UBE3A: variants seen among roughly 807,000 people sequenced by gnomAD.
The protein encoded by UBE3A is ubiquitin-protein ligase E3A.
In UBE3A, 6 loss-of-function variants were observed where a neutral mutation model predicts 83.4. That is an observed-to-expected ratio of 0.07 (90% CI 0.04 to 0.14). UBE3A has a LOEUF of 0.14. Ranked by LOEUF, UBE3A falls within the 10% of genes least tolerant of loss-of-function variation. The pLI is 1.00. For missense variants in UBE3A, 456 were observed against 1,036.1 expected (o/e 0.44, Z 7.69); for synonymous variants, 337 against 355.4 (o/e 0.95, Z 0.58).
intron 1 of UBE3A, among the ~76,000 whole-genome samples, chr15:25,427,602 C>CAAAAAAAAAAAAAA (rs751567252): frequency 3.1e-5 from 2 of 64,182 alleles, no homozygotes; most frequent in Admixed American, 2.2e-4. Context: ...CCCATCTCTA[C>CAAAAAAAAAAAAAA]AAAAAAAAAA....
chr15:25,427,335 A>C (rs1204706139), intron 1 of UBE3A, among the ~76,000 whole-genome samples: 2 of 151,990 alleles, frequency 1.3e-5, no homozygotes, highest in African/African-American at 4.8e-5. Flanking sequence ...CCTGAGTAAT[A>C]TTTAGGTTGA....
intron 1 of UBE3A, among the ~76,000 whole-genome samples, chr15:25,416,595 A>G (rs955774333): frequency 1.3e-5 from 2 of 151,926 alleles, no homozygotes; most frequent in African/African-American, 4.8e-5. Context: ...TCAGTGTGTG[A>G]AAGTGCAACA....
chr15:25,356,882 C>T lies in UBE3A; in HGVS notation c.1768G>A (p.Asp590Asn). ...FNPDIGMFTY[D>N]ESTKLFWFNP... Reference sequence around the variant, plus strand: ...AACCAAAACAATTTTGTAGATTCATCGTATGTGAACATACCTATAAGAAAT... The same window carrying T: ...AACCAAAACAATTTTGTAGATTCATTGTATGTGAACATACCTATAAGAAAT... The change falls in exon 8 of 13, where the codon GAT (aspartate) becomes AAT (asparagine). Residue 590 changes from aspartate (D) to asparagine (N), a missense_variant. By Grantham distance (23) the Asp-to-Asn change is conservative. This residue lies in a region of UBE3A where 58 missense variants were observed against 237.1 expected (regional missense o/e 0.24). Coordinates refer to ENST00000648336, the MANE Select transcript of UBE3A (RefSeq NM_130839.5). 6.2e-7 allele frequency: 1 copy of T among 1,612,888 alleles called. No individual in the cohort carries two copies. The highest frequency in any genetic ancestry group is 1.3e-5 in the African/African-American group (1 of 74,924).
At chr15:25,346,385 T>C (rs2075694418) in intron 11 of UBE3A, 1 of 152,242 alleles carries the variant, frequency 6.6e-6, no homozygotes, top group African/African-American at 2.4e-5. Context: ...AAATATATGC[T>C]AGTACCTACA....
intron 1 of UBE3A, among the ~76,000 whole-genome samples, chr15:25,426,220 C>A (rs1424038391): frequency 6.6e-6 from 1 of 152,132 alleles, no homozygotes; most frequent in Non-Finnish European, 1.5e-5. Flanking sequence ...CTATGAAAAT[C>A]TTTAGAAATA....
intron 11 of UBE3A, among the ~76,000 whole-genome samples, chr15:25,348,173 T>C (rs2075996983): frequency 6.6e-6 from 1 of 151,876 alleles, no homozygotes. Context: ...AACCAAATGA[T>C]AGAGCCTCAA....
intron 2 of UBE3A, among the ~76,000 whole-genome samples, chr15:25,410,108 C>A (rs936119687): frequency 1.3e-5 from 2 of 151,728 alleles, no homozygotes; most frequent in African/African-American, 4.9e-5. Flanking sequence ...CTAACCTGCA[C>A]ATTGTGCACA....
intron 11 of UBE3A, among the ~76,000 whole-genome samples, chr15:25,342,932 C>A (rs1217106442): frequency 6.6e-6 from 1 of 152,102 alleles, no homozygotes; most frequent in Non-Finnish European, 1.5e-5. Context: ...AGGAAGGCAC[C>A]ATGCATGAAA....
At position 25,392,718 on chromosome 15, in the gene UBE3A, C is replaced by T. The variant is rs114088316; in HGVS notation, c.62+12743G>A. Among the ~76,000 whole-genome samples the T allele has an allele frequency of 3.8e-3, 578 of 152,072 alleles. 2 individuals are homozygous for T. The highest frequency in any genetic ancestry group is 0.013 in the African/African-American group (556 of 41,464). On this transcript the variant is annotated intron_variant, in intron 4 of 12. Transcript: ENST00000648336. ...TGTTTCAGACAGGGGAAGAATGTTT[C>T]AGATAGAGGAAAATGAGTAAAAGCA...
intron 5 of UBE3A, among the ~76,000 whole-genome samples, chr15:25,372,494 T>G (rs1177251487): frequency 6.6e-6 from 1 of 152,174 alleles, no homozygotes; most frequent in Non-Finnish European, 1.5e-5. Flanking sequence ...AAACAAACAG[T>G]GCAAAGAAGT....
intron 6 of UBE3A, among the ~76,000 whole-genome samples, chr15:25,363,543 A>C (rs1051778976): frequency 6.6e-6 from 1 of 152,190 alleles, no homozygotes; most frequent in Admixed American, 6.5e-5. Flanking sequence ...ACCCCAAGAT[A>C]CTGAAAGGTG....
intron 1 of UBE3A, among the ~76,000 whole-genome samples, chr15:25,412,734 A>C (rs1396185241): frequency 6.7e-6 from 1 of 150,182 alleles, no homozygotes; most frequent in Non-Finnish European, 1.5e-5. Flanking sequence ...TAAGAAACCT[A>C]TCCAGTGTCC....
intron 1 of UBE3A, among the ~76,000 whole-genome samples, chr15:25,427,619 A>C (rs1596468312): frequency 6.8e-6 from 1 of 147,802 alleles, no homozygotes; most frequent in Non-Finnish European, 1.5e-5. Context: ...AAAAAAAAAA[A>C]AAAAAAAAAA....
At chr15:25,365,672 T>TG (rs1488130261) in intron 6 of UBE3A, among the ~76,000 whole-genome samples, 1 of 146,858 alleles carries the variant, frequency 6.8e-6, no homozygotes, top group Admixed American at 7.0e-5. Context: ...GGCATGAACC[T>TG]GGGAGGCGGG....
chr15:25,438,437 G>GAGTGACGGAGGGGAGCC (rs1388419462), intron 1 of UBE3A, 52 bp downstream of exon 1: 2 of 152,266 alleles, frequency 1.3e-5, no homozygotes, highest in Non-Finnish European at 2.9e-5. Flanking sequence ...AAGGCCGGCC[G>GAGTGACGGAGGGGAGCC]AGTGACGGAG....
At chr15:25,368,242 T>C (rs2079649760) in intron 6 of UBE3A, among the ~76,000 whole-genome samples, 1 of 152,160 alleles carries the variant, frequency 6.6e-6, no homozygotes, top group Non-Finnish European at 1.5e-5. Context: ...GAACTTCTAC[T>C]ATGTGTTACT....
At chr15:25,339,284 A>C in intron 12 of UBE3A, 27 bp from the exon 13 acceptor site, 12 of 1,609,042 alleles carry the variant, frequency 7.5e-6, no homozygotes, top group Non-Finnish European at 1.0e-5. Context: ...GGAAAAAAAC[A>C]GGAAAACTGT....
intron 7 of UBE3A, among the ~76,000 whole-genome samples, chr15:25,358,580 C>T (rs2077564127): frequency 6.6e-6 from 1 of 151,908 alleles, no homozygotes; most frequent in Non-Finnish European, 1.5e-5. Flanking sequence ...TCTGTAATTT[C>T]CAATAGAAAA....
intron 1 of UBE3A, among the ~76,000 whole-genome samples, chr15:25,423,317 C>T (rs979730839): frequency 6.6e-6 from 1 of 152,014 alleles, no homozygotes; most frequent in Non-Finnish European, 1.5e-5. Flanking sequence ...AATGAGCAGT[C>T]CCTAATATAT....
Sources: gnomAD v4.1 joint callset for allele counts (sites outside exome capture counted in the v4.1 genomes callset) on GRCh38, gnomAD v4.1.1 for gene constraint, gnomAD v4.1.1 regional missense constraint, MANE v1.5 for transcripts, NCBI Gene and HGNC (gene_info 2026-07-23, HGNC 2026-07-21) for gene names.